HPRT1: variants seen among roughly 807,000 people sequenced by gnomAD.
HPRT1 encodes hypoxanthine-guanine phosphoribosyltransferase.
In HPRT1, 4 loss-of-function variants were observed where a neutral mutation model predicts 19.0. The observed-to-expected ratio is 0.21, with a 90% confidence interval of 0.10 to 0.48. The LOEUF (loss-of-function observed/expected upper bound fraction) is 0.48. Ranked by LOEUF, HPRT1 falls within the 20% of genes least tolerant of loss-of-function variation. The probability of loss-of-function intolerance (pLI) is 0.98; values close to 1 mark genes in which losing one functional copy is unlikely to be tolerated. For synonymous variants in HPRT1, 53 were observed against 54.9 expected (o/e 0.97, Z 0.15); for missense variants, 65 against 164.0 (o/e 0.40, Z 3.30).
intron 3 of HPRT1, among the ~76,000 whole-genome samples, chrX:134,482,486 T>A (rs2077642894): frequency 8.9e-6 from 1 of 112,338 alleles, no homozygotes; most frequent in South Asian, 3.6e-4. Flanking sequence ...TGGAAATCTT[T>A]TATGTTTCTG....
At chrX:134,488,304 A>T (rs1315805717) in intron 4 of HPRT1, among the ~76,000 whole-genome samples, 1 of 109,219 alleles carries the variant, frequency 9.2e-6, no homozygotes, top group African/African-American at 3.3e-5. Flanking sequence ...TGCCTGGCTA[A>T]TTTTTTTATC....
At chrX:134,468,754 CAA>C (rs150188289) in intron 1 of HPRT1, among the ~76,000 whole-genome samples, 880 of 32,371 alleles carry the variant, frequency 0.027, 5 homozygotes, top group African/African-American at 0.087. Flanking sequence ...GACTCCGTCT[CAA>C]AAAAAAAAAA....
At chrX:134,481,394 G>A (rs1052922570) in intron 3 of HPRT1, among the ~76,000 whole-genome samples, 2 of 111,408 alleles carry the variant, frequency 1.8e-5, no homozygotes, top group African/African-American at 6.5e-5. Flanking sequence ...ATAGTTAGAT[G>A]TAGGTATACC....
At position 134,468,612 on chromosome X, in the gene HPRT1, G is replaced by T. The variant is rs1464360948; in HGVS notation, c.28-4747G>T. 4.6e-5 allele frequency among the ~76,000 whole-genome samples: 5 copies of T among 109,494 alleles called. No homozygotes were observed. The East Asian group carries it at 8.7e-4, about 19-fold the overall frequency. On this transcript the variant is annotated intron_variant, in intron 1 of 8. Coordinates refer to ENST00000298556, the MANE Select transcript of HPRT1 (RefSeq NM_000194.3). ...CTCTACTAAAAATACAAAATTAGCC[G>T]GGCGTGGTGGCGCATGTCTGTAATC...
chrX:134,460,427 G>GT (rs1908921272), intron 1 of HPRT1, 89 bp downstream of exon 1: 13 of 789,998 alleles, frequency 1.6e-5, no homozygotes, highest in Non-Finnish European at 1.9e-5. Flanking sequence ...CGCAGTGCGG[G>GT]CTCGGGCGGC....
rs146768797 is a variant in HPRT1 at position 134,488,869 on chromosome X, G to A, written c.385-1319G>A. 4.8e-4 allele frequency among the ~76,000 whole-genome samples: 53 copies of A among 111,505 alleles called. No homozygotes were observed. The East Asian group carries it at 0.014, about 30-fold the overall frequency. ...TGCCTTTGGATTGACCCTATTTTTT[G>A]TATTCATTTTCTCCCCATGTCCTGA... is the stretch of plus-strand genomic sequence containing the variant. On this transcript the variant is annotated intron_variant, in intron 4 of 8. Transcript: ENST00000298556.
chrX:134,500,178 T>C lies in HPRT1; in HGVS notation c.*101T>C, dbSNP rs2077691911. 1 of 591,282 alleles carries C rather than the reference T, an allele frequency of 1.7e-6. No individual in the cohort carries two copies. Among genetic ancestry groups the C allele is most frequent in the African/African-American group, 2.2e-5 (1 of 45,484 alleles). 48.7% of individuals were successfully genotyped at this position (591,282 alleles called of 1,213,427 possible). On this transcript the variant is annotated 3_prime_UTR_variant, in exon 9 of 9. Transcript: ENST00000298556. The stretch of plus-strand genomic sequence containing the variant: ...TCTGTGGCCATCTGCTTAGTAGAGC[T>C]TTTTGCATGTATCTTCTAAGAATTT...
Position 134,460,241 on chromosome X carries a change from C to T in HPRT1, c.-71C>T, listed in dbSNP as rs1487257456. ...GCGGCGCCGCCTCTTGCTGCGCCTC[C>T]GCCTCCTCCTCTGCTCCGCCACCGG... On this transcript the variant is annotated 5_prime_UTR_variant, in exon 1 of 9. Transcript: ENST00000298556. 2.6e-5 allele frequency: 28 copies of T among 1,078,747 alleles called. No individual in the cohort carries two copies. In the East Asian group the frequency reaches 7.8e-4, roughly 30 times the overall value. 88.9% of individuals were successfully genotyped at this position (1,078,747 alleles called of 1,213,427 possible).
At chrX:134,473,014 A>G (rs2124290053) in intron 1 of HPRT1, among the ~76,000 whole-genome samples, 1 of 110,954 alleles carries the variant, frequency 9.0e-6, no homozygotes, top group South Asian at 3.8e-4. Flanking sequence ...CAGCCTCCCA[A>G]GTAGCTGGGA....
chrX:134,494,401 T>G (rs1332712683), intron 6 of HPRT1, among the ~76,000 whole-genome samples: 1 of 112,507 alleles, frequency 8.9e-6, no homozygotes, highest in Non-Finnish European at 1.9e-5. Flanking sequence ...TAACTTCTGC[T>G]TTTTCCTAAG....
intron 1 of HPRT1, among the ~76,000 whole-genome samples, chrX:134,462,311 G>A (rs1466166231): frequency 9.0e-6 from 1 of 111,041 alleles, no homozygotes; most frequent in Non-Finnish European, 1.9e-5. Flanking sequence ...CCCCTGAGTA[G>A]CTGGGATTAC....
chrX:134,462,698 G>A (rs1271252262), intron 1 of HPRT1, among the ~76,000 whole-genome samples: 1 of 111,967 alleles, frequency 8.9e-6, no homozygotes, highest in Non-Finnish European at 1.9e-5. Context: ...CTGGCTGTTT[G>A]TTAGTTTTCT....
chrX:134,471,511 T>A (rs962988344), intron 1 of HPRT1, among the ~76,000 whole-genome samples: 3 of 112,121 alleles, frequency 2.7e-5, no homozygotes, highest in Non-Finnish European at 1.9e-5. Context: ...TATAATAATC[T>A]TAGACTTCTA....
In HPRT1 at chrX:134,473,816, C is replaced by G. The variant is rs191993127; in HGVS notation, c.134+351C>G. On this transcript the variant is annotated intron_variant, in intron 2 of 8. Coordinates refer to ENST00000298556, the MANE Select transcript of HPRT1 (RefSeq NM_000194.3). ...GATTTTTATTATTATGCACATCTAG[C>G]TTGAAAATTTTCTGTTAAGTCAATT... is the stretch of plus-strand genomic sequence containing the variant. Among the ~76,000 whole-genome samples, 4 of 112,148 alleles carry G rather than the reference C, an allele frequency of 3.6e-5. No individual in the cohort carries two copies. The Admixed American group carries it at 3.8e-4, about 11-fold the overall frequency.
At chrX:134,480,827 GTGTC>G (rs1170758660) in intron 3 of HPRT1, among the ~76,000 whole-genome samples, 1 of 100,921 alleles carries the variant, frequency 9.9e-6, no homozygotes, top group Non-Finnish European at 2.0e-5. Context: ...GTGTGTGTGT[GTGTC>G]TCAAAAGGTA....
At chrX:134,465,534 G>A (rs183525520) in intron 1 of HPRT1, among the ~76,000 whole-genome samples, 3 of 111,890 alleles carry the variant, frequency 2.7e-5, no homozygotes, top group African/African-American at 6.5e-5. Flanking sequence ...TTCAGTAATC[G>A]ATTATAGCAA....
At chrX:134,477,862 G>A (rs1258680105) in intron 3 of HPRT1, among the ~76,000 whole-genome samples, 1 of 110,450 alleles carries the variant, frequency 9.1e-6, no homozygotes, top group East Asian at 2.8e-4. Flanking sequence ...TGTTTGTAGA[G>A]ATTGGGTCTT....
At chrX:134,484,276 A>C (rs2077647052) in intron 3 of HPRT1, among the ~76,000 whole-genome samples, 1 of 112,448 alleles carries the variant, frequency 8.9e-6, no homozygotes, top group African/African-American at 3.2e-5. Flanking sequence ...AAATAATTTG[A>C]TGTGAGTCAC....
At chrX:134,476,285 T>C (rs989553817) in intron 3 of HPRT1, among the ~76,000 whole-genome samples, 2 of 112,219 alleles carry the variant, frequency 1.8e-5, no homozygotes, top group African/African-American at 6.5e-5. Flanking sequence ...ATCAATCCTG[T>C]AGGTGATTGG....
Sources: allele counts gnomAD v4.1 joint callset (sites outside exome capture counted in the v4.1 genomes callset), GRCh38; gene constraint gnomAD v4.1.1; transcripts MANE v1.5; gene names NCBI Gene and HGNC (gene_info 2026-07-23, HGNC 2026-07-21).